SLC24A2: variants seen among roughly 807,000 people sequenced by gnomAD.
The protein encoded by SLC24A2 is sodium/potassium/calcium exchanger 2.
SLC24A2 carries 36 observed loss-of-function variants against 62.0 expected under a neutral mutation model. The ratio of observed to expected loss-of-function variants is 0.58; its 90% confidence interval spans 0.44 to 0.77. The LOEUF is 0.77. SLC24A2 is among the 30% of genes least tolerant of loss of function. SLC24A2 has a pLI of 0.00. For synonymous variants in SLC24A2, 358 were observed against 294.0 expected (o/e 1.22, Z -2.23); for missense variants, 846 against 817.9 (o/e 1.03, Z -0.42).
In SLC24A2 at chr9:19,655,964, G is replaced by A. The variant is rs79645890; in HGVS notation, c.931-33665C>T. 2.8e-3 allele frequency among the ~76,000 whole-genome samples: 429 copies of A among 152,266 alleles called. 1 individual carries two copies. The highest frequency in any genetic ancestry group is 9.5e-3 in the African/African-American group (396 of 41,550). The stretch of plus-strand genomic sequence containing the variant: ...GGTGCCATACTTGATACTGAAAAAT[G>A]ATCACAGGTAGTCATTTGTTCTAAC... On this transcript the variant is annotated intron_variant, in intron 2 of 10. Coordinates refer to ENST00000341998, the MANE Select transcript of SLC24A2 (RefSeq NM_020344.4).
At chr9:20,144,134 C>G in the SLC24A2 span, among the ~76,000 whole-genome samples, 1 of 152,172 alleles carries the variant, frequency 6.6e-6, no homozygotes, top group Non-Finnish European at 1.5e-5. Flanking sequence ...AGAAGAAACC[C>G]TTTGTTCTTG....
chr9:19,689,110 A>G (rs556765882), intron 2 of SLC24A2, among the ~76,000 whole-genome samples: 58 of 152,260 alleles, frequency 3.8e-4, no homozygotes, highest in East Asian at 1.9e-3. Flanking sequence ...CACATTTTCA[A>G]TATGACAAAT....
chr9:19,736,806 C>T (rs943858743), intron 2 of SLC24A2, among the ~76,000 whole-genome samples: 10 of 152,158 alleles, frequency 6.6e-5, no homozygotes, highest in African/African-American at 1.9e-4. Flanking sequence ...AAGCTATGAT[C>T]ATGCCACTGT....
intron 2 of SLC24A2, among the ~76,000 whole-genome samples, chr9:19,645,689 AC>A (rs1818620792): frequency 6.6e-6 from 1 of 152,112 alleles, no homozygotes; most frequent in South Asian, 2.1e-4. Context: ...CGGCCCAAGC[AC>A]CCCATGGCTC....
chr9:20,026,043 T>G, the SLC24A2 span, among the ~76,000 whole-genome samples: 1 of 152,226 alleles, frequency 6.6e-6, no homozygotes, highest in Admixed American at 6.5e-5. Flanking sequence ...AATCCTAATC[T>G]GCTACTTCCT....
At chr9:19,875,440 G>A in the SLC24A2 span, among the ~76,000 whole-genome samples, 1 of 152,198 alleles carries the variant, frequency 6.6e-6, no homozygotes, top group Non-Finnish European at 1.5e-5. Flanking sequence ...GCATACCGAT[G>A]AGGACAGCAA....
chr9:20,209,401 T>C, the SLC24A2 span, among the ~76,000 whole-genome samples: 1 of 152,232 alleles, frequency 6.6e-6, no homozygotes, highest in Non-Finnish European at 1.5e-5. Context: ...TTATTGCTCA[T>C]AACCTCTGTG....
chr9:19,865,441 T>C, the SLC24A2 span, among the ~76,000 whole-genome samples: 2 of 152,106 alleles, frequency 1.3e-5, no homozygotes. Flanking sequence ...ATCCCAGTAC[T>C]TGACTTCAAA....
chr9:19,548,769 T>C (rs1265908161), intron 8 of SLC24A2, among the ~76,000 whole-genome samples: 1 of 152,234 alleles, frequency 6.6e-6, no homozygotes, highest in Non-Finnish European at 1.5e-5. Flanking sequence ...CCCTGCAGCA[T>C]GGCCAGGGTA....
the SLC24A2 span, among the ~76,000 whole-genome samples, chr9:20,222,586 C>T: frequency 7.4e-4 from 112 of 152,054 alleles, 2 homozygotes; most frequent in South Asian, 0.017. Context: ...TACAAACAGA[C>T]GCAAAATCTT....
At chr9:19,756,717 A>G (rs192460892) in intron 2 of SLC24A2, among the ~76,000 whole-genome samples, 18 of 152,154 alleles carry the variant, frequency 1.2e-4, no homozygotes, top group Non-Finnish European at 2.5e-4. Context: ...GTCTGGCTCC[A>G]TTTCAGACCA....
chr9:19,622,176 G>C, intron 3 of SLC24A2, 85 bp downstream of exon 3: 1 of 1,068,228 alleles, frequency 9.4e-7, no homozygotes, highest in Non-Finnish European at 1.5e-6. Flanking sequence ...AATGTGTTGA[G>C]CACACAAACC....
the SLC24A2 span, among the ~76,000 whole-genome samples, chr9:19,945,995 C>G: frequency 2.0e-5 from 3 of 152,252 alleles, no homozygotes; most frequent in South Asian, 6.2e-4. Flanking sequence ...GATTGTCACC[C>G]AAGGTCCCAA....
chr9:20,271,809 CAAAAAAGGAT>C, the SLC24A2 span, among the ~76,000 whole-genome samples: 1 of 151,306 alleles, frequency 6.6e-6, no homozygotes, highest in Non-Finnish European at 1.5e-5. Flanking sequence ...TAAAGAGGAG[CAAAAAAGGAT>C]AAAGAAATTC....
chr9:19,717,328 A>G (rs1298565639), intron 2 of SLC24A2, among the ~76,000 whole-genome samples: 3 of 152,252 alleles, frequency 2.0e-5, no homozygotes. Context: ...AAGGTTCCAC[A>G]GGAAGAAGAT....
chr9:20,181,311 T>C, the SLC24A2 span, among the ~76,000 whole-genome samples: 2 of 152,116 alleles, frequency 1.3e-5, no homozygotes, highest in African/African-American at 4.8e-5. Flanking sequence ...TGTGATGATG[T>C]ATTTTAAAGT....
At chr9:20,029,326 A>G in the SLC24A2 span, among the ~76,000 whole-genome samples, 6 of 152,164 alleles carry the variant, frequency 3.9e-5, no homozygotes, top group African/African-American at 1.4e-4. Flanking sequence ...TTAATTTCCA[A>G]CTTTCAGTAG....
At chr9:20,019,155 A>AAGAAAGAAAGGGAG in the SLC24A2 span, among the ~76,000 whole-genome samples, 16 of 117,086 alleles carry the variant, frequency 1.4e-4, 1 homozygote, top group Admixed American at 1.4e-3. Context: ...GAAAGAAAGA[A>AAGAAAGAAAGGGAG]AGAGAGAGAG....
intron 9 of SLC24A2, among the ~76,000 whole-genome samples, chr9:19,523,312 T>TA (rs1833284636): frequency 6.6e-6 from 1 of 152,210 alleles, no homozygotes; most frequent in Non-Finnish European, 1.5e-5. Flanking sequence ...TAGTGCAAGT[T>TA]AGACAACTTC....
Sources: allele counts gnomAD v4.1 joint callset (sites outside exome capture counted in the v4.1 genomes callset), GRCh38; gene constraint gnomAD v4.1.1; transcripts MANE v1.5; gene names NCBI Gene and HGNC (gene_info 2026-07-23, HGNC 2026-07-21).